Variants in MCM9 observed in about 807,000 individuals in gnomAD.
MCM9 encodes the protein minichromosome maintenance 9 homologous recombination repair factor.
MCM9 carries 55 observed loss-of-function variants against 72.8 expected under a neutral mutation model. The observed-to-expected ratio is 0.76, with a 90% CI of 0.61 to 0.95. MCM9 has a LOEUF of 0.95. MCM9 is among the 40% of genes least tolerant of loss of function. MCM9 has a pLI of 0.00. For synonymous variants in MCM9, 480 were observed against 503.4 expected (o/e 0.95, Z 0.62); for missense variants, 1,279 against 1,377.0 (o/e 0.93, Z 1.13).
chr6:118,896,729 G>T (rs1233166073), intron 8 of MCM9, among the ~76,000 whole-genome samples: 1 of 152,078 alleles, frequency 6.6e-6, no homozygotes, highest in East Asian at 1.9e-4. Context: ...TCCACCTAGA[G>T]GCTATGTGGA....
chr6:118,916,422 G>A lies in MCM9; in HGVS notation c.904+1139C>T, dbSNP rs541651955. ...TAAAATAAAACTATCCCTATTTAGG[G>A]AAATGGAAGCATTATTATTATTATT... On this transcript the variant is annotated intron_variant, in intron 6 of 13. Coordinates refer to ENST00000619706, the MANE Select transcript of MCM9 (RefSeq NM_017696.3). 1.5e-4 allele frequency among the ~76,000 whole-genome samples: 22 copies of A among 146,140 alleles called. No homozygotes were observed. In the South Asian group the frequency reaches 4.8e-3, roughly 32 times the overall value.
At chr6:118,924,171 AT>A in intron 3 of MCM9, 44 bp from the exon 4 acceptor site, 1 of 1,532,486 alleles carries the variant, frequency 6.5e-7, no homozygotes, top group Non-Finnish European at 8.9e-7. Flanking sequence ...CAATCTTGAG[AT>A]TTGACTCCAA....
At chr6:118,831,838 T>G (rs944006304) in intron 9 of MCM9, among the ~76,000 whole-genome samples, 4 of 152,036 alleles carry the variant, frequency 2.6e-5, no homozygotes, top group African/African-American at 9.7e-5. Context: ...CTGCATTAGG[T>G]TTACAAAGAT....
rs1554257119 is a variant in MCM9 at position 118,843,662 on chromosome 6, A to ATACGTG, written c.1325+12708_1325+12709insCACGTA. On this transcript the variant is annotated intron_variant, in intron 9 of 13. Transcript: ENST00000619706. ...AAAACATATATATATATATGTGTAT[A>ATACGTG]TATATATGTATGTATATATATATGT... Among the ~76,000 whole-genome samples the ATACGTG allele has an allele frequency of 8.2e-4, 49 of 59,690 alleles. 1 individual carries two copies. In the East Asian group the frequency reaches 9.4e-3, roughly 11 times the overall value. 39.2% of individuals were successfully genotyped at this position (59,690 alleles called of 152,430 possible). A position where few individuals can be genotyped will look rare whatever the true frequency, so the allele number is the denominator to read the frequency against.
chr6:118,859,934 C>G (rs1441614336), intron 8 of MCM9, among the ~76,000 whole-genome samples: 2 of 152,214 alleles, frequency 1.3e-5, no homozygotes, highest in African/African-American at 4.8e-5. Context: ...GTGAAGTTCA[C>G]AGCCCAGGGA....
chr6:118,868,776 G>T (rs569314947), intron 8 of MCM9, among the ~76,000 whole-genome samples: 1 of 152,232 alleles, frequency 6.6e-6, no homozygotes, highest in Non-Finnish European at 1.5e-5. Context: ...ACAGATGCTG[G>T]AGAGGATGTG....
chr6:118,865,590 C>T (rs1321083594), intron 8 of MCM9, among the ~76,000 whole-genome samples: 2 of 152,300 alleles, frequency 1.3e-5, no homozygotes, highest in East Asian at 3.9e-4. Flanking sequence ...GACAAGCTGG[C>T]TTCTAATGGA....
chr6:118,873,957 T>TA (rs1389326920), intron 8 of MCM9, among the ~76,000 whole-genome samples: 1 of 152,158 alleles, frequency 6.6e-6, no homozygotes, highest in South Asian at 2.1e-4. Flanking sequence ...ATAATCACGT[T>TA]AAAAAAATCA....
intron 9 of MCM9, among the ~76,000 whole-genome samples, chr6:118,832,472 C>T (rs140005734): frequency 0.024 from 3,712 of 152,258 alleles, 71 homozygotes; most frequent in East Asian, 0.075. Context: ...ATAATTTAAA[C>T]GACAAATAAA....
intron 9 of MCM9, among the ~76,000 whole-genome samples, chr6:118,844,793 GACTGTTCTGTCTGTCTAA>G (rs981149614): frequency 6.6e-6 from 1 of 151,818 alleles, no homozygotes. Flanking sequence ...TGATTGTCCA[GACTGTTCTGTCTGTCTAA>G]ACAATTGTTT....
intron 9 of MCM9, among the ~76,000 whole-genome samples, chr6:118,842,690 T>A (rs930132986): frequency 7.2e-5 from 11 of 152,108 alleles, no homozygotes; most frequent in African/African-American, 1.9e-4. Flanking sequence ...TTGCTATTTT[T>A]AAAATTTTTT....
At chr6:118,901,702 AC>A (rs1234879481) in intron 8 of MCM9, among the ~76,000 whole-genome samples, 1 of 152,218 alleles carries the variant, frequency 6.6e-6, no homozygotes, top group African/African-American at 2.4e-5. Flanking sequence ...TTTGTAATAG[AC>A]CAAAGAGTAA....
chr6:118,849,627 T>C (rs1380320136), intron 9 of MCM9, among the ~76,000 whole-genome samples: 1 of 151,778 alleles, frequency 6.6e-6, no homozygotes, highest in Non-Finnish European at 1.5e-5. Flanking sequence ...CTAGAAATTA[T>C]TCACATCAAA....
At chr6:118,898,183 G>A (rs1468960353) in intron 8 of MCM9, among the ~76,000 whole-genome samples, 2 of 151,880 alleles carry the variant, frequency 1.3e-5, no homozygotes, top group African/African-American at 4.8e-5. Flanking sequence ...AGAGTCTCAA[G>A]TTATTTGCAT....
Position 118,820,073 on chromosome 6 carries a change from C to G in MCM9, c.1962-3779G>C, listed in dbSNP as rs193136068. 5.3e-5 allele frequency among the ~76,000 whole-genome samples: 8 copies of G among 152,276 alleles called. No homozygotes were observed. In the East Asian group the frequency reaches 1.5e-3, roughly 29 times the overall value. Reference sequence around the variant, plus strand: ...TTTGTTAATCTTTTCAAAAAACCAGCTCCTGGATTCACTGATTTTTTGAAG... The same window carrying G: ...TTTGTTAATCTTTTCAAAAAACCAGGTCCTGGATTCACTGATTTTTTGAAG... On this transcript the variant is annotated intron_variant, in intron 13 of 13. Transcript: ENST00000619706.
rs7765016 is a variant in MCM9, at chr6:118,907,908, G to T, written c.1150+3742C>A. 1,672 of 232,456 alleles carry T rather than the reference G, an allele frequency of 7.2e-3. 31 individuals carry two copies. Among genetic ancestry groups the T allele is most frequent in the African/African-American group, 0.036 (1,556 of 43,666 alleles). The allele number at this position is 232,456 out of a possible 1,614,324, so 14.4% of individuals were successfully genotyped here. On this transcript the variant is annotated intron_variant, in intron 8 of 13. Coordinates refer to ENST00000619706, the MANE Select transcript of MCM9 (RefSeq NM_017696.3). ...TAATGAAAGCACTTATAAAGAAACA[G>T]GAATCATTAGACCAGGTTGTAAAGA...
At chr6:118,893,919 C>T (rs1021700269) in intron 8 of MCM9, 2 of 698,652 alleles carry the variant, frequency 2.9e-6, no homozygotes, top group Non-Finnish European at 3.5e-6. Flanking sequence ...CCGGATCGCG[C>T]CCTCCCGCCG....
At chr6:118,829,006 A>T in intron 10 of MCM9, 42 bp downstream of exon 10, 1 of 1,524,088 alleles carries the variant, frequency 6.6e-7, no homozygotes, top group South Asian at 1.2e-5. Flanking sequence ...AGTTACAGCT[A>T]ATCTCTCTGT....
intron 6 of MCM9, among the ~76,000 whole-genome samples, chr6:118,916,367 C>CA (rs879940959): frequency 4.7e-4 from 62 of 131,472 alleles, no homozygotes; most frequent in African/African-American, 1.4e-3. Context: ...CACACACACA[C>CA]AAAAAAAAAA....
Sources: gnomAD v4.1 joint callset for allele counts (sites outside exome capture counted in the v4.1 genomes callset) on GRCh38, gnomAD v4.1.1 for gene constraint, MANE v1.5 for transcripts, NCBI Gene and HGNC (gene_info 2026-07-23, HGNC 2026-07-21) for gene names.